Variants in CAMTA1 observed in about 807,000 individuals in gnomAD.
CAMTA1 encodes the protein calmodulin-binding transcription activator 1.
Under a neutral mutation model 170.9 loss-of-function variants are expected in CAMTA1, and 27 were observed. The observed-to-expected ratio is 0.16, with a 90% CI of 0.12 to 0.22. The LOEUF is 0.22. Among genes scored for constraint, CAMTA1 ranks in the 10% least tolerant of loss-of-function variants. CAMTA1 has a pLI of 1.00. For synonymous variants in CAMTA1, 833 were observed against 891.5 expected (o/e 0.93, Z 1.17); for missense variants, 1,619 against 2,217.2 (o/e 0.73, Z 5.42).
chr1:6,942,153 C>T (rs1252123234), intron 3 of CAMTA1, among the ~76,000 whole-genome samples: 1 of 151,956 alleles, frequency 6.6e-6, no homozygotes, highest in East Asian at 1.9e-4. Context: ...CATTTACACC[C>T]TGCTTCATAA....
intron 6 of CAMTA1, among the ~76,000 whole-genome samples, chr1:7,527,800 G>A (rs1471265223): frequency 6.6e-6 from 1 of 152,186 alleles, no homozygotes; most frequent in Non-Finnish European, 1.5e-5. Flanking sequence ...CCCCACAAGT[G>A]GCTGCGGTTC....
intron 6 of CAMTA1, among the ~76,000 whole-genome samples, chr1:7,472,050 G>A (rs904644652): frequency 5.9e-5 from 9 of 152,332 alleles, no homozygotes; most frequent in South Asian, 2.1e-4. Context: ...CGAGTGAAGC[G>A]GGGGTGTGTC....
intron 4 of CAMTA1, among the ~76,000 whole-genome samples, chr1:7,126,257 G>T (rs1644926747): frequency 6.6e-6 from 1 of 152,108 alleles, no homozygotes; most frequent in Non-Finnish European, 1.5e-5. Context: ...ATGTCACCCA[G>T]CAGTCCCGCA....
At chr1:7,650,450 A>G (rs970689099) in intron 7 of CAMTA1, among the ~76,000 whole-genome samples, 1 of 152,130 alleles carries the variant, frequency 6.6e-6, no homozygotes, top group Non-Finnish European at 1.5e-5. Flanking sequence ...CCTCATTGAC[A>G]ATGTCTGTCC....
At chr1:6,913,972 C>T (rs553545177) in intron 3 of CAMTA1, among the ~76,000 whole-genome samples, 1 of 152,244 alleles carries the variant, frequency 6.6e-6, no homozygotes, top group African/African-American at 2.4e-5. Flanking sequence ...AGGCCAGCTT[C>T]TTCACTCATA....
chr1:6,806,727 T>G (rs1644552942), intron 1 of CAMTA1, among the ~76,000 whole-genome samples: 1 of 152,190 alleles, frequency 6.6e-6, no homozygotes, highest in African/African-American at 2.4e-5. Flanking sequence ...TTAAAAAAAA[T>G]GTGGTATTCT....
intron 6 of CAMTA1, among the ~76,000 whole-genome samples, chr1:7,514,468 G>C (rs894649279): frequency 4.0e-4 from 61 of 152,258 alleles, no homozygotes; most frequent in Non-Finnish European, 8.8e-5. Flanking sequence ...GCATCACGGA[G>C]CACTTGCAGA....
intron 5 of CAMTA1, among the ~76,000 whole-genome samples, chr1:7,310,656 TTTC>T (rs1557490766): frequency 2.7e-4 from 16 of 58,632 alleles, no homozygotes; most frequent in African/African-American, 1.5e-3. Context: ...TTTTTCTTTC[TTTC>T]TTTCTTTCTT....
At chr1:7,611,146 T>C in intron 6 of CAMTA1, among the ~76,000 whole-genome samples, 1 of 151,618 alleles carries the variant, frequency 6.6e-6, no homozygotes, top group Non-Finnish European at 1.5e-5. Flanking sequence ...AGAAGAGAGC[T>C]GGGCCATGGT....
intron 4 of CAMTA1, among the ~76,000 whole-genome samples, chr1:7,108,768 C>T (rs1452539255): frequency 6.6e-6 from 1 of 152,170 alleles, no homozygotes; most frequent in Non-Finnish European, 1.5e-5. Context: ...TTTATAGTTA[C>T]CTAATTGCCT....
At chr1:7,171,642 T>G (rs1212914913) in intron 4 of CAMTA1, among the ~76,000 whole-genome samples, 2 of 152,214 alleles carry the variant, frequency 1.3e-5, no homozygotes, top group Non-Finnish European at 2.9e-5. Flanking sequence ...ATTACCCATT[T>G]TAAAGTATAC....
In CAMTA1 at chr1:7,510,791, G is replaced by T. The variant is rs1361503627; in HGVS notation, c.510+42890G>T. On this transcript the variant is annotated intron_variant, in intron 6 of 22. Transcript: ENST00000303635. Reference sequence around the variant, plus strand: ...GACCTTTGTCCTCCTGCTCCAGGATGGCTCTCTACCTTCCAGGCATCCCAG... The same window carrying T: ...GACCTTTGTCCTCCTGCTCCAGGATTGCTCTCTACCTTCCAGGCATCCCAG... Among the ~76,000 whole-genome samples the T allele has an allele frequency of 2.1e-5, 3 of 145,288 alleles. 1 individual carries two copies. Among genetic ancestry groups the T allele is most frequent in the Non-Finnish European group, 4.6e-5 (3 of 64,812 alleles).
chr1:7,744,929 A>G lies in CAMTA1; in HGVS notation c.4277A>G (p.Glu1426Gly). The G allele has an allele frequency of 6.2e-7, 1 of 1,614,116 alleles. No homozygotes were observed. The highest frequency in any genetic ancestry group is 8.5e-7 in the Non-Finnish European group (1 of 1,180,012). ...GTGCCCATGGAGTCCTCAGGATTGG[A>G]AAGAACAGACCCTGCCACCATTAGC... Reference protein sequence around the residue: ...NFVPMESSGLERTDPATISST... With the variant: ...NFVPMESSGLGRTDPATISST... The change falls in exon 17 of 23, where the codon GAA (glutamate) becomes GGA (glycine). Residue 1426 changes from glutamate to glycine, a missense_variant. By Grantham distance (98) the Glu-to-Gly change is moderately conservative. Around this residue, in one of 8 missense-constraint regions of CAMTA1, gnomAD observed 370 missense variants for 429.4 expected, o/e 0.86. Transcript: ENST00000303635.
chr1:7,755,289 T>C (rs2096923342), intron 21 of CAMTA1, among the ~76,000 whole-genome samples: 1 of 137,528 alleles, frequency 7.3e-6, no homozygotes, highest in Admixed American at 8.0e-5. Context: ...ATTGCACCAT[T>C]GCTCTCCAGC....
intron 22 of CAMTA1, among the ~76,000 whole-genome samples, chr1:7,759,585 C>A (rs1448878853): frequency 6.6e-6 from 1 of 152,000 alleles, no homozygotes. Flanking sequence ...TTGTTCTACA[C>A]AAAGAGATTA....
intron 3 of CAMTA1, among the ~76,000 whole-genome samples, chr1:6,866,652 G>A (rs552571237): frequency 6.6e-6 from 1 of 152,252 alleles, no homozygotes; most frequent in South Asian, 2.1e-4. Flanking sequence ...AAAAATTTAA[G>A]CATATTTTGT....
At chr1:7,130,417 A>G (rs1295487668) in intron 4 of CAMTA1, among the ~76,000 whole-genome samples, 1 of 152,238 alleles carries the variant, frequency 6.6e-6, no homozygotes, top group East Asian at 1.9e-4. Context: ...ATTACAAGCA[A>G]AATTACATGT....
At chr1:7,342,329 T>C (rs2083896313) in intron 5 of CAMTA1, among the ~76,000 whole-genome samples, 1 of 152,122 alleles carries the variant, frequency 6.6e-6, no homozygotes, top group South Asian at 2.1e-4. Flanking sequence ...CCTCCACCCT[T>C]TTAGCACTGA....
At chr1:7,340,552 G>GCCCCCCCCCCCCCCCCCCC (rs1553139266) in intron 5 of CAMTA1, among the ~76,000 whole-genome samples, 1 of 110,676 alleles carries the variant, frequency 9.0e-6, no homozygotes, top group African/African-American at 3.7e-5. Flanking sequence ...CTGCCTGCCT[G>GCCCCCCCCCCCCCCCCCCC]CCTCCCTCCC....
Sources: gnomAD v4.1 joint callset for allele counts (sites outside exome capture counted in the v4.1 genomes callset) on GRCh38, gnomAD v4.1.1 for gene constraint, gnomAD v4.1.1 regional missense constraint, MANE v1.5 for transcripts, NCBI Gene and HGNC (gene_info 2026-07-23, HGNC 2026-07-21) for gene names.